The following MPDZ variants were observed in gnomAD, a reference collection of about 807,000 sequenced individuals.
MPDZ encodes multiple PDZ domain crumbs cell polarity complex component, also known as multiple PDZ domain protein.
Under a neutral mutation model 239.1 loss-of-function variants are expected in MPDZ, and 234 were observed. The ratio of observed to expected loss-of-function variants is 0.98; its 90% CI spans 0.88 to 1.09. MPDZ has a LOEUF of 1.09. Among genes scored for constraint, MPDZ ranks in the 50% least tolerant of loss-of-function variants. The probability of loss-of-function intolerance (pLI) is 0.00; values close to 1 mark genes in which losing one functional copy is unlikely to be tolerated. For synonymous variants in MPDZ, 1,048 were observed against 881.3 expected, an observed-to-expected ratio of 1.19 and a Z score of -3.35; for missense variants, 3,175 against 2,510.0, an observed-to-expected ratio of 1.26 and a Z score of -5.66.
At chr9:13,203,138 A>T (rs2135546578) in intron 12 of MPDZ, among the ~76,000 whole-genome samples, 1 of 152,334 alleles carries the variant, frequency 6.6e-6, no homozygotes, top group Admixed American at 6.5e-5. Context: ...TACCCCAAAC[A>T]TATGTACAAT....
chr9:13,208,478 C>A (rs1432336363), intron 10 of MPDZ, among the ~76,000 whole-genome samples: 1 of 151,138 alleles, frequency 6.6e-6, no homozygotes, highest in Non-Finnish European at 1.5e-5. Flanking sequence ...AAAAAAAGAC[C>A]TAGATCAGTT....
At chr9:13,200,321 ATTT>A (rs1220886709) in intron 12 of MPDZ, among the ~76,000 whole-genome samples, 1 of 151,862 alleles carries the variant, frequency 6.6e-6, no homozygotes, top group Non-Finnish European at 1.5e-5. Context: ...GATTTTATCT[ATTT>A]TAGGTCTTTT....
At chr9:13,129,588 A>C (rs1002751661) in intron 32 of MPDZ, among the ~76,000 whole-genome samples, 2 of 152,188 alleles carry the variant, frequency 1.3e-5, no homozygotes, top group East Asian at 1.9e-4. Flanking sequence ...CAACTTTCCA[A>C]CTTACTTTTA....
intron 3 of MPDZ, among the ~76,000 whole-genome samples, chr9:13,227,722 G>A (rs1193437766): frequency 6.6e-6 from 1 of 152,080 alleles, no homozygotes; most frequent in African/African-American, 2.4e-5. Flanking sequence ...CTGTATAAAA[G>A]TATTTAATAT....
chr9:13,112,119 T>C lies in MPDZ; in HGVS notation c.5629A>G (p.Ile1877Val). The change falls in exon 43 of 47, where the codon ATC becomes GTC. Residue 1877 changes from isoleucine (I) to valine (V), a missense_variant. Coordinates refer to ENST00000319217, the MANE Select transcript of MPDZ (RefSeq NM_001378778.1). ...AGTGGGCTGCCTACTCCTCCAGCGATGCTGATTCCCAGTGAGTCAGTAGGG... is the reference window on the plus strand; with the variant it reads ...AGTGGGCTGCCTACTCCTCCAGCGACGCTGATTCCCAGTGAGTCAGTAGGG... ...KGPTDSLGISIAGGVGSPLGD... is the reference protein window; with the variant it reads ...KGPTDSLGISVAGGVGSPLGD... 1 of 1,613,300 alleles carries C rather than the reference T, an allele frequency of 6.2e-7. No individual in the cohort carries two copies.
At position 13,136,712 on chromosome 9, in the gene MPDZ, C is replaced by A; in HGVS notation, c.4292G>T (p.Arg1431Ile). Residue 1431 changes from arginine (R) to isoleucine (I), a missense_variant and splice_region_variant, in exon 30 of 47, where the codon AGA (arginine) becomes ATA (isoleucine). Arg to Ile is a moderately conservative substitution (Grantham distance 97). Coordinates refer to ENST00000319217, the MANE Select transcript of MPDZ (RefSeq NM_001378778.1). ...APSKVKIIFI[R>I]NKDAVNQMAV... ...TAAACTAGCAAAAGAAAATGATCAC[C>A]TGATAAAAATTATTTTCACTTTAGA... The A allele has an allele frequency of 6.5e-7, 1 of 1,548,742 alleles. No individual in the cohort carries two copies. The highest frequency in any genetic ancestry group is 1.2e-5 in the South Asian group (1 of 85,186).
intron 1 of MPDZ, among the ~76,000 whole-genome samples, chr9:13,254,808 A>T (rs1005254349): frequency 3.9e-5 from 6 of 152,344 alleles, no homozygotes; most frequent in East Asian, 3.9e-4. Context: ...GCTAGTGATC[A>T]TCTGAGCCTT....
At position 13,224,585 on chromosome 9, in the gene MPDZ, T is replaced by A; in HGVS notation, c.184-2A>T. 6.3e-7 allele frequency: 1 copy of A among 1,590,500 alleles called. No homozygotes were observed. The highest frequency in any genetic ancestry group is 8.6e-7 in the Non-Finnish European group (1 of 1,161,750). ...AGTTGCTGAAGTTGCAATATTTACC[T>A]AAGAGTAATGCAGGGATTATTAAGA... On this transcript the variant is annotated splice_acceptor_variant, in intron 3 of 46. Transcript: ENST00000319217. LOFTEE classifies it high-confidence loss of function.
intron 31 of MPDZ, chr9:13,134,175 T>C (rs924005245): frequency 5.9e-6 from 1 of 168,774 alleles, no homozygotes; most frequent in Admixed American, 6.3e-5. Flanking sequence ...AGAGCACAGA[T>C]AGACCAAGTG....
At position 13,219,497 on chromosome 9, in the gene MPDZ, T is replaced by C. The variant is rs1341802553; in HGVS notation, c.1086+62A>G. ...AGTAAGTCTAGTTTCTAAGTAAACA[T>C]CACTGTCGTCATCTAAGTGTTATTT... On this transcript the variant is annotated intron_variant, in intron 8 of 46. Transcript: ENST00000319217. 6.3e-6 allele frequency: 9 copies of C among 1,424,914 alleles called. No homozygotes were observed. In the East Asian group the frequency reaches 1.7e-4, roughly 26 times the overall value. 88.3% of individuals were successfully genotyped at this position (1,424,914 alleles called of 1,614,324 possible). A position where few individuals can be genotyped will look rare whatever the true frequency, so the allele number is the denominator to read the frequency against.
intron 32 of MPDZ, 61 bp from the exon 33 acceptor site, chr9:13,126,833 G>C: frequency 1.5e-6 from 2 of 1,373,394 alleles, no homozygotes; most frequent in Non-Finnish European, 2.1e-6. Flanking sequence ...TATCCAAATG[G>C]ATACCAAGGG....
At chr9:13,157,072 T>C (rs1486402315) in intron 24 of MPDZ, among the ~76,000 whole-genome samples, 3 of 152,222 alleles carry the variant, frequency 2.0e-5, no homozygotes, top group Non-Finnish European at 4.4e-5. Flanking sequence ...TTAAATGTGA[T>C]GGCTGCAGGT....
At chr9:13,259,000 G>T (rs150992063) in intron 1 of MPDZ, among the ~76,000 whole-genome samples, 1 of 151,534 alleles carries the variant, frequency 6.6e-6, no homozygotes, top group Admixed American at 6.6e-5. Flanking sequence ...CAGGAGAATC[G>T]CTTGAACCCA....
chr9:13,212,327 T>G (rs1207474337), intron 10 of MPDZ, among the ~76,000 whole-genome samples: 2 of 152,058 alleles, frequency 1.3e-5, no homozygotes, highest in African/African-American at 2.4e-5. Context: ...TTCAAATGTC[T>G]TAGTTACCTT....
intron 27 of MPDZ, among the ~76,000 whole-genome samples, chr9:13,143,036 C>G (rs994617665): frequency 1.3e-5 from 2 of 152,064 alleles, no homozygotes; most frequent in Non-Finnish European, 2.9e-5. Context: ...TACACATACA[C>G]AATTATTTGT....
At chr9:13,149,287 A>T (rs575208746) in intron 25 of MPDZ, among the ~76,000 whole-genome samples, 3 of 152,046 alleles carry the variant, frequency 2.0e-5, no homozygotes, top group Admixed American at 6.6e-5. Flanking sequence ...GGAATCAATC[A>T]GTCATCAAAA....
intron 1 of MPDZ, 119 bp from the exon 2 acceptor site, chr9:13,250,491 A>T (rs1967654269): frequency 1.7e-6 from 1 of 583,286 alleles, no homozygotes; most frequent in Admixed American, 3.1e-5. Context: ...TCTTGTTGAT[A>T]CAACTTAAGA....
At chr9:13,162,661 T>A (rs1432181779) in intron 23 of MPDZ, 30 bp downstream of exon 23, 1 of 1,444,262 alleles carries the variant, frequency 6.9e-7, no homozygotes, top group South Asian at 1.2e-5. Context: ...GCTGTACCAT[T>A]CATTGTATTA....
intron 35 of MPDZ, among the ~76,000 whole-genome samples, chr9:13,123,605 C>T (rs553427856): frequency 1.4e-4 from 22 of 152,174 alleles, no homozygotes; most frequent in Admixed American, 1.4e-3. Flanking sequence ...GAAGAGAGAA[C>T]AGAATTAAAT....
Sources: gnomAD v4.1 joint callset for allele counts (sites outside exome capture counted in the v4.1 genomes callset) on GRCh38, gnomAD v4.1.1 for gene constraint, MANE v1.5 for transcripts, NCBI Gene and HGNC (gene_info 2026-07-23, HGNC 2026-07-21) for gene names.